Variants in EMP2 observed in about 807,000 individuals in gnomAD.
EMP2 encodes epithelial membrane protein 2.
EMP2 carries 19 observed loss-of-function variants against 13.7 expected under a neutral mutation model. The observed-to-expected ratio is 1.38, with a 90% CI of 0.97 to 2.03. EMP2 has a LOEUF of 2.03. EMP2 is among the 30% of genes most tolerant of loss of function. EMP2 has a pLI of 0.00. For missense variants in EMP2, 253 were observed against 220.7 expected (o/e 1.15, Z -0.93); for synonymous variants, 97 against 84.7 (o/e 1.15, Z -0.80).
intron 3 of EMP2, 75 bp downstream of exon 3, chr16:10,543,495 G>A: frequency 2.0e-6 from 3 of 1,527,920 alleles, no homozygotes; most frequent in Non-Finnish European, 2.7e-6. Context: ...CGGAGTCGGG[G>A]AACCCGAAGC....
chr16:10,540,360 G>A (rs1156582632), intron 3 of EMP2, among the ~76,000 whole-genome samples: 13 of 152,092 alleles, frequency 8.5e-5, no homozygotes, highest in Admixed American at 8.5e-4. Flanking sequence ...ACAAAAATTA[G>A]CTGGGTGTGG....
chr16:10,549,036 C>T (rs759640076), intron 1 of EMP2, among the ~76,000 whole-genome samples: 2 of 152,178 alleles, frequency 1.3e-5, no homozygotes, highest in Non-Finnish European at 2.9e-5. Context: ...CAGAAGAGAG[C>T]AGGTATGAGT....
rs1339360712 is a variant in EMP2, at chr16:10,529,547, G to A, written c.*3358C>T. The A allele has an allele frequency of 3.3e-5, 5 of 152,184 alleles. No individual in the cohort carries two copies. Among genetic ancestry groups the A allele is most frequent in the Admixed American group, 6.5e-5 (1 of 15,274 alleles). The allele number at this position is 152,184 out of a possible 1,614,324, so 9.4% of individuals were successfully genotyped here. ...TCAACACAGATACTCATGTAGCCCC[G>A]ACGTTTCTTGTGAAGGGAATTGATG... On this transcript the variant is annotated 3_prime_UTR_variant, in exon 5 of 5. Transcript: ENST00000359543.
chr16:10,553,468 T>G (rs758269805), intron 1 of EMP2, among the ~76,000 whole-genome samples: 1 of 152,178 alleles, frequency 6.6e-6, no homozygotes, highest in African/African-American at 2.4e-5. Flanking sequence ...CAGGCCCCGG[T>G]GCAGTGCTTT....
intron 4 of EMP2, among the ~76,000 whole-genome samples, chr16:10,536,980 C>T (rs773252553): frequency 6.6e-6 from 1 of 152,126 alleles, no homozygotes; most frequent in Non-Finnish European, 1.5e-5. Context: ...GATGACACAT[C>T]TCAGGGTCAT....
rs576112834 is a variant in EMP2 at position 10,533,095 on chromosome 16, G to A, written c.317-3C>T. 1.6e-5 allele frequency: 25 copies of A among 1,554,486 alleles called. No homozygotes were observed. In the South Asian group the frequency reaches 2.2e-4, roughly 14 times the overall value. On this transcript the variant is annotated splice_region_variant and splice_polypyrimidine_tract_variant and intron_variant, in intron 4 of 4. Coordinates refer to ENST00000359543, the MANE Select transcript of EMP2 (RefSeq NM_001424.6). ...GGCCGCAATCATGACACACAGACCT[G>A]TCAGGAAGAAAGGTGAATTTTCAAT... is the stretch of plus-strand genomic sequence containing the variant.
At chr16:10,547,339 G>C (rs932080388) in intron 2 of EMP2, 8 of 559,380 alleles carry the variant, frequency 1.4e-5, no homozygotes, top group Non-Finnish European at 2.2e-5. Context: ...CACCATGTAA[G>C]ATGTGGCTTT....
chr16:10,532,775 T>C lies in EMP2; in HGVS notation c.*130A>G, dbSNP rs1468099633. 4,191 of 376,630 alleles carry C rather than the reference T, an allele frequency of 0.011. 79 individuals are homozygous for C. The highest frequency in any genetic ancestry group is 0.036 in the East Asian group (569 of 15,840). The allele number at this position is 376,630 out of a possible 1,614,324, so 23.3% of individuals were successfully genotyped here. On this transcript the variant is annotated 3_prime_UTR_variant, in exon 5 of 5. Coordinates refer to ENST00000359543, the MANE Select transcript of EMP2 (RefSeq NM_001424.6). ...TCTTTTTTCTTTTTTTTTTTTTTTTTTTTTTTTTTTTGGCTTTTAAAGGAA... is the reference window on the plus strand; with the variant it reads ...TCTTTTTTCTTTTTTTTTTTTTTTTCTTTTTTTTTTTGGCTTTTAAAGGAA...
chr16:10,542,922 C>A (rs1285677121), intron 3 of EMP2, among the ~76,000 whole-genome samples: 1 of 152,202 alleles, frequency 6.6e-6, no homozygotes, highest in South Asian at 2.1e-4. Context: ...CTCGGCTCAC[C>A]GCAACCTCCG....
At chr16:10,557,706 C>G (rs962194008) in intron 1 of EMP2, among the ~76,000 whole-genome samples, 1 of 152,144 alleles carries the variant, frequency 6.6e-6, no homozygotes, top group African/African-American at 2.4e-5. Flanking sequence ...CCATGGTGAG[C>G]TGTCTTCAGA....
chr16:10,540,837 G>A (rs935446441), intron 3 of EMP2, among the ~76,000 whole-genome samples: 1 of 152,164 alleles, frequency 6.6e-6, no homozygotes, highest in Admixed American at 6.6e-5. Context: ...CTTATGGTTT[G>A]GGAGGCCACA....
At chr16:10,549,769 T>G (rs1342841674) in intron 1 of EMP2, among the ~76,000 whole-genome samples, 1 of 151,936 alleles carries the variant, frequency 6.6e-6, no homozygotes, top group Non-Finnish European at 1.5e-5. Flanking sequence ...TCTCTTTTTC[T>G]GAACCACTTG....
chr16:10,541,848 G>A (rs572720132), intron 3 of EMP2, among the ~76,000 whole-genome samples: 28 of 152,250 alleles, frequency 1.8e-4, no homozygotes, highest in African/African-American at 6.3e-4. Flanking sequence ...TTAAAATGGG[G>A]CCTATGGTCC....
chr16:10,567,724 G>A (rs950844490), intron 1 of EMP2, among the ~76,000 whole-genome samples: 1 of 152,128 alleles, frequency 6.6e-6, no homozygotes, highest in Non-Finnish European at 1.5e-5. Context: ...TGCCAGGGCC[G>A]TAACACCCTC....
At position 10,532,927 on chromosome 16, in the gene EMP2, A is replaced by G. The variant is rs1433243848; in HGVS notation, c.482T>C (p.Leu161Pro). 1.9e-6 allele frequency: 3 copies of G among 1,595,188 alleles called. No homozygotes were observed. The highest frequency in any genetic ancestry group is 2.6e-6 in the Non-Finnish European group (3 of 1,169,880). The change falls in exon 5 of 5, where the codon CTG (leucine) becomes CCG (proline). Residue 161 changes from leucine to proline, a missense_variant. Coordinates refer to ENST00000359543, the MANE Select transcript of EMP2 (RefSeq NM_001424.6). ...ACTFISGMMYLILRKRK is the reference protein window; with the variant it reads ...ACTFISGMMYPILRKRK Reference sequence around the variant, plus strand: ...ACTCTATTTGCGCTTCCTCAGTATCAGGTACATCATGCCGCTGATGAAGGT... The same window carrying G: ...ACTCTATTTGCGCTTCCTCAGTATCGGGTACATCATGCCGCTGATGAAGGT...
chr16:10,551,814 C>G (rs944855031), intron 1 of EMP2, among the ~76,000 whole-genome samples: 2 of 152,148 alleles, frequency 1.3e-5, no homozygotes, highest in East Asian at 1.9e-4. Flanking sequence ...TGCCAGCTCT[C>G]CTCTCCAACC....
At chr16:10,573,197 G>C (rs1432586169) in intron 1 of EMP2, among the ~76,000 whole-genome samples, 2 of 152,144 alleles carry the variant, frequency 1.3e-5, no homozygotes, top group Non-Finnish European at 2.9e-5. Flanking sequence ...CTACAGGTGT[G>C]TGTCACCATG....
chr16:10,569,019 C>A (rs1195900768), intron 1 of EMP2, among the ~76,000 whole-genome samples: 1 of 152,088 alleles, frequency 6.6e-6, no homozygotes, highest in Non-Finnish European at 1.5e-5. Flanking sequence ...AACTCCTGAC[C>A]TCAGGTGATC....
intron 1 of EMP2, among the ~76,000 whole-genome samples, chr16:10,548,315 T>G (rs2050755695): frequency 6.6e-6 from 1 of 152,176 alleles, no homozygotes; most frequent in Non-Finnish European, 1.5e-5. Context: ...TTTCTGACGA[T>G]TCCTGATCAG....
Sources: gnomAD v4.1 joint callset for allele counts (sites outside exome capture counted in the v4.1 genomes callset) on GRCh38, gnomAD v4.1.1 for gene constraint, MANE v1.5 for transcripts, NCBI Gene and HGNC (gene_info 2026-07-23, HGNC 2026-07-21) for gene names.